RP1L1: variants seen among roughly 807,000 people sequenced by gnomAD.
RP1L1 encodes the protein RP1 like 1, also known as retinitis pigmentosa 1-like 1 protein.
Under a neutral mutation model 15.7 loss-of-function variants are expected in RP1L1, and 27 were observed. The ratio of observed to expected loss-of-function variants is 1.72; its 90% CI spans 1.27 to 2.38. RP1L1 has a LOEUF of 2.38. RP1L1 is among the 30% of genes most tolerant of loss of function. The pLI is 0.00. For synonymous variants in RP1L1, 1,813 were observed against 1,276.7 expected (o/e 1.42, Z -8.96); for missense variants, 4,798 against 3,075.9 (o/e 1.56, Z -13.24).
intron 1 of RP1L1, among the ~76,000 whole-genome samples, chr8:10,650,777 G>C (rs1399220411): frequency 6.6e-6 from 1 of 152,028 alleles, no homozygotes; most frequent in Non-Finnish European, 1.5e-5. Flanking sequence ...ATGTTGGCCA[G>C]GCTATTCTCG....
Position 10,609,921 on chromosome 8 carries a change from C to A in RP1L1, c.4177G>T (p.Gly1393Cys), listed in dbSNP as rs762439244. 2 of 1,591,374 alleles carry A rather than the reference C, an allele frequency of 1.3e-6. No individual in the cohort carries two copies. Among genetic ancestry groups the A allele is most frequent in the South Asian group, 1.1e-5 (1 of 90,526 alleles). Residue 1393 changes from glycine (G) to cysteine (C), a missense_variant, in exon 4 of 4, where the codon GGT becomes TGT. Gly to Cys is a radical substitution (Grantham distance 159). Coordinates refer to ENST00000382483, the MANE Select transcript of RP1L1 (RefSeq NM_178857.6). ...GGLQGEALEEGLKEEGLPEEG... is the reference protein window; with the variant it reads ...GGLQGEALEECLKEEGLPEEG... ...TCTGGAAGTCCTTCCTCTTTGAGACCCTCTTCAAGAGCCTCTCCTTGCAGT... is the reference window on the plus strand; with the variant it reads ...TCTGGAAGTCCTTCCTCTTTGAGACACTCTTCAAGAGCCTCTCCTTGCAGT...
rs766001933 is a variant in RP1L1, at chr8:10,607,505, G to A, written c.6593C>T (p.Ala2198Val). The A allele has an allele frequency of 2.3e-5, 37 of 1,607,302 alleles. No homozygotes were observed. The highest frequency in any genetic ancestry group is 2.2e-4 in the East Asian group (10 of 44,680). ...TTGGGCCTCCCCTTCTGCCTCTGGG[G>A]CCTCTATACCTTCTGACTCTGGCTG... is the stretch of plus-strand genomic sequence containing the variant. ...EAQPESEGIEAPEAEGEAQPE... is the reference protein window; with the variant it reads ...EAQPESEGIEVPEAEGEAQPE... The change falls in exon 4 of 4, where the codon GCC becomes GTC. Residue 2198 changes from alanine (A) to valine (V), a missense_variant. Transcript: ENST00000382483.
chr8:10,609,402 G>T lies in RP1L1; in HGVS notation c.4696C>A (p.Gln1566Lys). The change falls in exon 4 of 4, where the codon CAA (glutamine) becomes AAA (lysine). Residue 1566 changes from glutamine to lysine, a missense_variant. Coordinates refer to ENST00000382483, the MANE Select transcript of RP1L1 (RefSeq NM_178857.6). ...CTCTTGGTGCTGTCCTGGAGGCGTT[G>T]GGCCACGTCCTGCTGCAGCTCGGCC... ...MAAELQQDVA[Q>K]RLQDSTKREL... 6.2e-7 allele frequency: 1 copy of T among 1,612,308 alleles called. No individual in the cohort carries two copies. Among genetic ancestry groups the T allele is most frequent in the Non-Finnish European group, 8.5e-7 (1 of 1,179,910 alleles).
Position 10,608,403 on chromosome 8 carries a change from C to T in RP1L1, c.5695G>A (p.Val1899Ile). 1.2e-6 allele frequency: 2 copies of T among 1,608,474 alleles called. No homozygotes were observed. The highest frequency in any genetic ancestry group is 1.1e-5 in the South Asian group (1 of 90,826). Reference sequence around the variant, plus strand: ...TCTGCACCTTCTGACTCTGGCTGGACCTCCCATTCTGCCTCTGGGGTCTCT... The same window carrying T: ...TCTGCACCTTCTGACTCTGGCTGGATCTCCCATTCTGCCTCTGGGGTCTCT... ...DVETPEAEWE[V>I]QPESEGAEAP... Residue 1899 changes from valine (V) to isoleucine (I), a missense_variant, in exon 4 of 4, where the codon GTC becomes ATC. By Grantham distance (29) the Val-to-Ile change is conservative (BLOSUM62 3). Transcript: ENST00000382483.
chr8:10,625,909 G>C (rs573545289), intron 1 of RP1L1, among the ~76,000 whole-genome samples: 4 of 151,704 alleles, frequency 2.6e-5, no homozygotes, highest in African/African-American at 9.7e-5. Context: ...GGCAGGCAGC[G>C]AGGGCAGCAT....
intron 3 of RP1L1, among the ~76,000 whole-genome samples, chr8:10,616,121 C>A (rs552934489): frequency 6.6e-6 from 1 of 152,014 alleles, no homozygotes; most frequent in South Asian, 2.1e-4. Context: ...GTTGCCCAGG[C>A]GGGTGTCCAA....
intron 2 of RP1L1, chr8:10,621,643 T>C: frequency 2.2e-6 from 1 of 456,068 alleles, no homozygotes. Flanking sequence ...ATTTATGAAG[T>C]ATTGGTGGAA....
At chr8:10,618,261 G>A (rs541931491) in intron 2 of RP1L1, among the ~76,000 whole-genome samples, 2 of 152,084 alleles carry the variant, frequency 1.3e-5, no homozygotes. Context: ...GCACTTTGGG[G>A]GGCCGAGGTG....
In RP1L1 at chr8:10,611,052, C is replaced by A; in HGVS notation, c.3046G>T (p.Gly1016Trp). 6.2e-7 allele frequency: 1 copy of A among 1,612,808 alleles called. No individual in the cohort carries two copies. Among genetic ancestry groups the A allele is most frequent in the Non-Finnish European group, 8.5e-7 (1 of 1,179,990 alleles). ...GGCTCTGGGTCCTGGCCGGGGTCCC[C>A]TTCCAGGGACTGCTGTCCCGCCTGA... ...PAQAGQQSLE[G>W]DPGQDPEPEG... is the part of the protein sequence containing the mutation. The change falls in exon 4 of 4, where the codon GGG (glycine) becomes TGG (tryptophan). Residue 1016 changes from glycine (G) to tryptophan (W), a missense_variant. Coordinates refer to ENST00000382483, the MANE Select transcript of RP1L1 (RefSeq NM_178857.6).
chr8:10,623,173 G>A lies in RP1L1; in HGVS notation c.29C>T (p.Ala10Val), dbSNP rs760147119. 11 of 1,578,014 alleles carry A rather than the reference G, an allele frequency of 7.0e-6. No individual in the cohort carries two copies. Among genetic ancestry groups the A allele is most frequent in the East Asian group, 4.5e-5 (2 of 44,616 alleles). ...CAGGAAGCACTCACGGTGGCTCGGG[G>A]CCTGGGCATTCCTGGGGGTGCTGTT... MNSTPRNAQ[A>V]PSHRECFLPS... The change falls in exon 2 of 4, where the codon GCC becomes GTC. Residue 10 changes from alanine (A) to valine (V), a missense_variant. Transcript: ENST00000382483.
At chr8:10,617,237 C>G (rs779599225) in intron 2 of RP1L1, among the ~76,000 whole-genome samples, 14 of 152,074 alleles carry the variant, frequency 9.2e-5, no homozygotes, top group Non-Finnish European at 2.1e-4. Flanking sequence ...TTCCAGGAAA[C>G]TGGTCCCTGG....
chr8:10,609,019 C>T lies in RP1L1; in HGVS notation c.5079G>A (p.Leu1693=), dbSNP rs770284035. ...CAGTGTGTTCTCCCCTCTTCCTCTGCAGAATCTGCTGCAGGTCAAAGGCCT... is the reference window on the plus strand; with the variant it reads ...CAGTGTGTTCTCCCCTCTTCCTCTGTAGAATCTGCTGCAGGTCAAAGGCCT... ...IKEAFDLQQI[L]QRKRGEHTDG... Residue 1693 remains leucine (L), a synonymous_variant, in exon 4 of 4, where the codon CTG becomes CTA. Transcript: ENST00000382483. 1.1e-5 allele frequency: 17 copies of T among 1,613,406 alleles called. No homozygotes were observed. The East Asian group carries it at 2.7e-4, about 25-fold the overall frequency.
Position 10,611,062 on chromosome 8 carries a change from C to T in RP1L1, c.3036G>A (p.Gln1012=), listed in dbSNP as rs759714394. The part of the protein sequence containing the change: ...GLGEPAQAGQ[Q]SLEGDPGQDP... ...CCTGGCCGGGGTCCCCTTCCAGGGA[C>T]TGCTGTCCCGCCTGAGCTGGCTCCC... The change falls in exon 4 of 4, where the codon CAG becomes CAA. Residue 1012 remains glutamine (Q), a synonymous_variant. Coordinates refer to ENST00000382483, the MANE Select transcript of RP1L1 (RefSeq NM_178857.6). The T allele has an allele frequency of 6.2e-6, 10 of 1,612,730 alleles. No homozygotes were observed. Among genetic ancestry groups the T allele is most frequent in the South Asian group, 1.1e-5 (1 of 91,094 alleles).
At chr8:10,630,238 T>TTC (rs1798221020) in intron 1 of RP1L1, among the ~76,000 whole-genome samples, 1 of 152,206 alleles carries the variant, frequency 6.6e-6, no homozygotes, top group South Asian at 2.1e-4. Flanking sequence ...CTGACCTTTC[T>TTC]TCTCTCTGCC....
intron 1 of RP1L1, among the ~76,000 whole-genome samples, chr8:10,624,657 C>T (rs577990443): frequency 8.0e-5 from 12 of 150,076 alleles, no homozygotes; most frequent in African/African-American, 1.3e-4. Context: ...GGTGGAAGGC[C>T]GGGAGGAGAA....
At position 10,610,848 on chromosome 8, in the gene RP1L1, G is replaced by C. The variant is rs1011499264; in HGVS notation, c.3250C>G (p.Gln1084Glu). Reference sequence around the variant, plus strand: ...GAGCCCATCAGCGCCCTCATGATCTGCGTGGAGGCAGACACCCGGCCAGGA... The same window carrying C: ...GAGCCCATCAGCGCCCTCATGATCTCCGTGGAGGCAGACACCCGGCCAGGA... Reference protein sequence around the residue: ...ALPGRVSASTQIMRALMGSKQ... With the variant: ...ALPGRVSASTEIMRALMGSKQ... Residue 1084 changes from glutamine to glutamate, a missense_variant, in exon 4 of 4, where the codon CAG becomes GAG. Physicochemically the swap from Gln to Glu is conservative, Grantham distance 29 (BLOSUM62 2). Coordinates refer to ENST00000382483, the MANE Select transcript of RP1L1 (RefSeq NM_178857.6). 1.9e-6 allele frequency: 3 copies of C among 1,608,326 alleles called. No individual in the cohort carries two copies. The highest frequency in any genetic ancestry group is 2.5e-6 in the Non-Finnish European group (3 of 1,176,998).
chr8:10,631,279 G>GCA (rs1055548593), intron 1 of RP1L1, among the ~76,000 whole-genome samples: 10 of 143,946 alleles, frequency 6.9e-5, no homozygotes, highest in South Asian at 4.5e-4. Flanking sequence ...AAACACGCAT[G>GCA]CACACACACG....
rs73662883 is a variant in RP1L1, at chr8:10,629,362, T to C, written c.-19-6142A>G. On this transcript the variant is annotated intron_variant, in intron 1 of 3. Coordinates refer to ENST00000382483, the MANE Select transcript of RP1L1 (RefSeq NM_178857.6). ...AGGGGGCCTGGGAGCCAATGAATAGTCACAGATAGATGGAGCAAAGAACAT... is the reference window on the plus strand; with the variant it reads ...AGGGGGCCTGGGAGCCAATGAATAGCCACAGATAGATGGAGCAAAGAACAT... Among the ~76,000 whole-genome samples, 1,379 of 152,168 alleles carry C rather than the reference T, an allele frequency of 9.1e-3. 20 individuals carry two copies. The highest frequency in any genetic ancestry group is 0.031 in the African/African-American group (1,283 of 41,524).
At chr8:10,646,879 T>A (rs1256408015) in intron 1 of RP1L1, among the ~76,000 whole-genome samples, 1 of 152,264 alleles carries the variant, frequency 6.6e-6, no homozygotes, top group Non-Finnish European at 1.5e-5. Context: ...GCCTATTGTG[T>A]GTCCCCAGCT....
Sources: allele counts gnomAD v4.1 joint callset (sites outside exome capture counted in the v4.1 genomes callset), GRCh38; gene constraint gnomAD v4.1.1; transcripts MANE v1.5; gene names NCBI Gene and HGNC (gene_info 2026-07-23, HGNC 2026-07-21).